The following PCBP3 variants were observed in gnomAD, a reference collection of about 807,000 sequenced individuals.
PCBP3 encodes the protein poly(rC)-binding protein 3.
Under a neutral mutation model 52.7 loss-of-function variants are expected in PCBP3, and 25 were observed. That is an observed-to-expected ratio of 0.47 (90% CI 0.35 to 0.66). The LOEUF is 0.66. Among genes scored for constraint, PCBP3 ranks in the 30% least tolerant of loss-of-function variants. The probability of loss-of-function intolerance (pLI) is 0.01; values close to 1 mark genes in which losing one functional copy is unlikely to be tolerated. For missense variants in PCBP3, 391 were observed against 490.3 expected, an observed-to-expected ratio of 0.80 and a Z score of 1.91; for synonymous variants, 162 against 183.0, an observed-to-expected ratio of 0.89 and a Z score of 0.93.
Position 45,819,792 on chromosome 21 carries a change from G to A in PCBP3, c.-125-30169G>A, listed in dbSNP as rs542076580. ...CCTCTGTCCAGTGCTGTACCAGAAC[G>A]TCTAGCAGATGGGTGTGCGGGCACA... is the stretch of plus-strand genomic sequence containing the variant. On this transcript the variant is annotated intron_variant, in intron 4 of 17. Transcript: ENST00000681687. 5.9e-5 allele frequency among the ~76,000 whole-genome samples: 9 copies of A among 152,384 alleles called. No individual in the cohort carries two copies. The East Asian group carries it at 1.5e-3, about 26-fold the overall frequency.
In PCBP3 at chr21:45,676,426, G is replaced by A. The variant is rs73376653; in HGVS notation, c.-200+7474G>A. Among the ~76,000 whole-genome samples the A allele has an allele frequency of 4.9e-3, 749 of 152,034 alleles. 7 individuals carry two copies. Among genetic ancestry groups the A allele is most frequent in the African/African-American group, 0.017 (687 of 41,452 alleles). Reference sequence around the variant, plus strand: ...AACCCTGCATCAAGAAAGTCTTTCAGTGCCATTTTTCCAATAGCATTGCTT... The same window carrying A: ...AACCCTGCATCAAGAAAGTCTTTCAATGCCATTTTTCCAATAGCATTGCTT... On this transcript the variant is annotated intron_variant, in intron 2 of 17. Transcript: ENST00000681687.
intron 4 of PCBP3, among the ~76,000 whole-genome samples, chr21:45,779,915 GATAGACAAGTA>G (rs2146019311): frequency 6.6e-6 from 1 of 152,314 alleles, no homozygotes; most frequent in African/African-American, 2.4e-5. Flanking sequence ...TTGCTGTTAA[GATAGACAAGTA>G]GATCAGTGGA....
At chr21:45,886,273 G>A (rs1410286551) in intron 5 of PCBP3, among the ~76,000 whole-genome samples, 1 of 63,172 alleles carries the variant, frequency 1.6e-5, no homozygotes, top group Non-Finnish European at 3.1e-5. Context: ...CCTCATTGCC[G>A]CGGGTGCCAA....
At chr21:45,753,168 A>G (rs1002233359) in intron 3 of PCBP3, among the ~76,000 whole-genome samples, 2 of 149,106 alleles carry the variant, frequency 1.3e-5, no homozygotes, top group African/African-American at 4.9e-5. Context: ...ATGTTTCTCC[A>G]ACTGATACAT....
In PCBP3 at chr21:45,786,980, A is replaced by G. The variant is rs2091208379; in HGVS notation, c.-126+31528A>G. The stretch of plus-strand genomic sequence containing the variant: ...TGGGATGGAAAGGGCCCGTGCTGCA[A>G]CTCTGCATAAAGAATTTCCAGCTGT... On this transcript the variant is annotated intron_variant, in intron 4 of 17. Coordinates refer to ENST00000681687, the MANE Select transcript of PCBP3 (RefSeq NM_001384156.1). Among the ~76,000 whole-genome samples the G allele has an allele frequency of 2.6e-5, 4 of 151,974 alleles. No homozygotes were observed. In the South Asian group the frequency reaches 8.3e-4, roughly 32 times the overall value.
intron 5 of PCBP3, among the ~76,000 whole-genome samples, chr21:45,893,243 G>T (rs1181152185): frequency 6.6e-6 from 1 of 151,972 alleles, no homozygotes; most frequent in East Asian, 1.9e-4. Context: ...GGAGGAGGGA[G>T]GGGGCTCTGT....
Position 45,883,110 on chromosome 21 carries a change from G to T in PCBP3, c.11-13098G>T, listed in dbSNP as rs536012089. Among the ~76,000 whole-genome samples, 3 of 152,224 alleles carry T rather than the reference G, an allele frequency of 2.0e-5. No homozygotes were observed. The East Asian group carries it at 5.8e-4, about 29-fold the overall frequency. ...TATGCTGTGTTTTTATTTTCATTCA[G>T]GTCAATGTGTTTTTTGATGTTCCTT... On this transcript the variant is annotated intron_variant, in intron 5 of 17. Coordinates refer to ENST00000681687, the MANE Select transcript of PCBP3 (RefSeq NM_001384156.1).
chr21:45,806,146 C>CCCCA (rs1313622800), intron 4 of PCBP3, among the ~76,000 whole-genome samples: 2 of 152,224 alleles, frequency 1.3e-5, no homozygotes, highest in Non-Finnish European at 2.9e-5. Context: ...GTGTGGAAGA[C>CCCCA]CCCAGCAAAG....
intron 5 of PCBP3, among the ~76,000 whole-genome samples, chr21:45,856,133 T>C (rs2094286104): frequency 1.3e-5 from 2 of 152,234 alleles, no homozygotes; most frequent in South Asian, 4.1e-4. Context: ...TTAACATAAC[T>C]GGATCTTTCC....
At chr21:45,881,738 C>T (rs533951821) in intron 5 of PCBP3, among the ~76,000 whole-genome samples, 12 of 152,258 alleles carry the variant, frequency 7.9e-5, no homozygotes, top group African/African-American at 2.6e-4. Context: ...CCGCAGTCCC[C>T]GACAGCCACC....
At chr21:45,687,167 G>GA (rs944108864) in intron 2 of PCBP3, among the ~76,000 whole-genome samples, 3 of 151,724 alleles carry the variant, frequency 2.0e-5, no homozygotes, top group Non-Finnish European at 4.4e-5. Flanking sequence ...AGCCAAAAAA[G>GA]AAAAAAACAG....
chr21:45,877,040 C>T (rs2095276798), intron 5 of PCBP3, among the ~76,000 whole-genome samples: 1 of 152,264 alleles, frequency 6.6e-6, no homozygotes, highest in Admixed American at 6.5e-5. Flanking sequence ...CAAGGCATCT[C>T]TATGTTAATA....
intron 4 of PCBP3, among the ~76,000 whole-genome samples, chr21:45,778,955 A>C (rs1195826882): frequency 6.6e-6 from 1 of 151,964 alleles, no homozygotes; most frequent in Non-Finnish European, 1.5e-5. Flanking sequence ...ATGGATAGGG[A>C]ATGCACACCC....
intron 2 of PCBP3, among the ~76,000 whole-genome samples, chr21:45,708,468 T>A (rs1390683234): frequency 1.3e-5 from 2 of 152,220 alleles, no homozygotes; most frequent in Non-Finnish European, 2.9e-5. Flanking sequence ...ACCACTGTTT[T>A]GCTGCTTAAG....
chr21:45,717,631 G>A (rs542790228), intron 2 of PCBP3, among the ~76,000 whole-genome samples: 117 of 152,176 alleles, frequency 7.7e-4, no homozygotes, highest in Admixed American at 1.8e-3. Context: ...ATGATGTATT[G>A]CATTGATCGA....
intron 4 of PCBP3, among the ~76,000 whole-genome samples, chr21:45,766,386 A>C (rs1205888099): frequency 6.6e-6 from 1 of 152,240 alleles, no homozygotes; most frequent in Non-Finnish European, 1.5e-5. Context: ...GTGGGCCCGA[A>C]TTTGAGAGGA....
At chr21:45,754,660 T>C (rs1286091874) in intron 3 of PCBP3, among the ~76,000 whole-genome samples, 1 of 152,196 alleles carries the variant, frequency 6.6e-6, no homozygotes. Flanking sequence ...TAGAGTTTAG[T>C]AGAGAGGTTG....
intron 13 of PCBP3, among the ~76,000 whole-genome samples, chr21:45,929,076 G>A (rs995369600): frequency 1.3e-5 from 2 of 152,206 alleles, no homozygotes; most frequent in African/African-American, 2.4e-5. Context: ...ACCTTGCCAC[G>A]TTTACCATTA....
At chr21:45,820,600 C>T (rs2839006) in intron 4 of PCBP3, among the ~76,000 whole-genome samples, 48,113 of 151,956 alleles carry the variant, frequency 0.32, 9,070 homozygotes, top group East Asian at 0.66. Context: ...GACTGTGCTC[C>T]GGGGAAACGT....
Sources: gnomAD v4.1 joint callset for allele counts (sites outside exome capture counted in the v4.1 genomes callset) on GRCh38, gnomAD v4.1.1 for gene constraint, MANE v1.5 for transcripts, NCBI Gene and HGNC (gene_info 2026-07-23, HGNC 2026-07-21) for gene names.